The following EPHA5 variants were observed in gnomAD, a reference collection of about 807,000 sequenced individuals.
EPHA5 encodes ephrin type-A receptor 5.
A neutral mutation model predicts 105.0 loss-of-function variants in EPHA5; 60 were observed. The observed-to-expected ratio is 0.57, with a 90% CI of 0.46 to 0.71. EPHA5 has a LOEUF of 0.71. Ranked by LOEUF, EPHA5 falls within the 30% of genes least tolerant of loss-of-function variation. The pLI is 0.00. For synonymous variants in EPHA5, 513 were observed against 449.1 expected (o/e 1.14, Z -1.80); for missense variants, 1,218 against 1,274.7 (o/e 0.96, Z 0.68).
chr4:65,438,025 T>C (rs906558318), intron 5 of EPHA5, among the ~76,000 whole-genome samples: 2 of 152,020 alleles, frequency 1.3e-5, no homozygotes, highest in Non-Finnish European at 2.9e-5. Context: ...AGTATTTATC[T>C]GCTTATACAG....
chr4:65,587,585 C>T (rs1448304588), intron 3 of EPHA5, among the ~76,000 whole-genome samples: 3 of 152,024 alleles, frequency 2.0e-5, no homozygotes, highest in African/African-American at 4.8e-5. Flanking sequence ...AAAGGTGCCC[C>T]GACCCCCATC....
At chr4:65,612,568 T>A (rs911685490) in intron 2 of EPHA5, among the ~76,000 whole-genome samples, 1 of 152,310 alleles carries the variant, frequency 6.6e-6, no homozygotes, top group East Asian at 1.9e-4. Context: ...TATCCAATCA[T>A]CCTTTGATGA....
At chr4:65,392,555 G>A (rs1376416) in intron 8 of EPHA5, among the ~76,000 whole-genome samples, 96,591 of 151,900 alleles carry the variant, frequency 0.64, 31,961 homozygotes, top group East Asian at 0.85. Flanking sequence ...TGACGTCACC[G>A]GGTACATCAT....
chr4:65,371,065 C>A (rs1182681926), intron 8 of EPHA5, among the ~76,000 whole-genome samples: 1 of 151,976 alleles, frequency 6.6e-6, no homozygotes, highest in East Asian at 1.9e-4. Context: ...TAAATTTTGC[C>A]TCTCATTTTC....
chr4:65,604,992 G>C (rs1293306038), intron 2 of EPHA5, among the ~76,000 whole-genome samples: 1 of 152,206 alleles, frequency 6.6e-6, no homozygotes, highest in African/African-American at 2.4e-5. Flanking sequence ...ATTGCTGAAT[G>C]CAATATGATG....
At chr4:65,352,000 G>C (rs1577891030) in intron 12 of EPHA5, among the ~76,000 whole-genome samples, 1 of 152,146 alleles carries the variant, frequency 6.6e-6, no homozygotes, top group African/African-American at 2.4e-5. Flanking sequence ...ATGGACAGAG[G>C]TGATAAGGGA....
chr4:65,431,466 C>A (rs978648017), intron 5 of EPHA5, among the ~76,000 whole-genome samples: 2 of 152,040 alleles, frequency 1.3e-5, no homozygotes, highest in Non-Finnish European at 2.9e-5. Flanking sequence ...ATGTAAGTTT[C>A]TTCCTTATTT....
chr4:65,493,544 A>C (rs533147179), intron 4 of EPHA5, among the ~76,000 whole-genome samples: 8 of 152,282 alleles, frequency 5.3e-5, no homozygotes, highest in African/African-American at 1.9e-4. Flanking sequence ...AAACATACAC[A>C]CACACTCATA....
At chr4:65,662,883 C>T (rs146688537) in intron 1 of EPHA5, among the ~76,000 whole-genome samples, 96 of 152,160 alleles carry the variant, frequency 6.3e-4, no homozygotes, top group African/African-American at 2.3e-3. Flanking sequence ...GGCACATACA[C>T]CAAAATTCCA....
chr4:65,409,569 G>A (rs965615508), intron 7 of EPHA5, among the ~76,000 whole-genome samples: 1 of 152,044 alleles, frequency 6.6e-6, no homozygotes, highest in Non-Finnish European at 1.5e-5. Flanking sequence ...AGACTTTATT[G>A]CCTCAGCTAT....
intron 6 of EPHA5, 128 bp from the exon 7 acceptor site, chr4:65,414,571 T>C: frequency 9.6e-7 from 1 of 1,039,042 alleles, no homozygotes; most frequent in Non-Finnish European, 1.4e-6. Flanking sequence ...ATATAACATT[T>C]TAGAAAAAAA....
At chr4:65,557,251 T>TATATATATATATATATATATATATAG in intron 3 of EPHA5, among the ~76,000 whole-genome samples, 1 of 145,110 alleles carries the variant, frequency 6.9e-6, no homozygotes, top group Non-Finnish European at 1.5e-5. Flanking sequence ...TATATATATA[T>TATATATATATATATATATATATATAG]ATATATATTC....
chr4:65,371,834 A>C (rs2148906751), intron 8 of EPHA5, among the ~76,000 whole-genome samples: 1 of 152,114 alleles, frequency 6.6e-6, no homozygotes, highest in African/African-American at 2.4e-5. Context: ...AATAACGTAC[A>C]GTGGATCACA....
At chr4:65,519,412 G>C (rs944153788) in intron 3 of EPHA5, among the ~76,000 whole-genome samples, 1 of 151,980 alleles carries the variant, frequency 6.6e-6, no homozygotes, top group Non-Finnish European at 1.5e-5. Context: ...TAAACCCACA[G>C]CCAATATCAT....
At chr4:65,398,131 C>T (rs140125812) in intron 8 of EPHA5, among the ~76,000 whole-genome samples, 1 of 152,304 alleles carries the variant, frequency 6.6e-6, no homozygotes, top group East Asian at 1.9e-4. Context: ...CTCTCAGGGG[C>T]CTGAGAAGCC....
chr4:65,661,264 C>A (rs908360226), intron 1 of EPHA5, among the ~76,000 whole-genome samples: 1 of 151,824 alleles, frequency 6.6e-6, no homozygotes, highest in Admixed American at 6.6e-5. Flanking sequence ...TGTTTGTATG[C>A]TTTTGTTGTT....
At chr4:65,338,648 A>T (rs1721411888) in intron 14 of EPHA5, among the ~76,000 whole-genome samples, 1 of 152,090 alleles carries the variant, frequency 6.6e-6, no homozygotes, top group Non-Finnish European at 1.5e-5. Context: ...TCAACTTAGA[A>T]CTGGGTCCAG....
At chr4:65,345,649 C>T (rs1357804377) in intron 14 of EPHA5, among the ~76,000 whole-genome samples, 1 of 152,248 alleles carries the variant, frequency 6.6e-6, no homozygotes, top group Non-Finnish European at 1.5e-5. Context: ...AGGGCTTCAT[C>T]AAGGGTCTTT....
chr4:65,342,631 A>G (rs1721839569), intron 14 of EPHA5, among the ~76,000 whole-genome samples: 1 of 151,878 alleles, frequency 6.6e-6, no homozygotes, highest in African/African-American at 2.4e-5. Flanking sequence ...TATGAGCAAT[A>G]TACATAAACA....
Sources: gnomAD v4.1 joint callset for allele counts (sites outside exome capture counted in the v4.1 genomes callset) on GRCh38, gnomAD v4.1.1 for gene constraint, MANE v1.5 for transcripts, NCBI Gene and HGNC (gene_info 2026-07-23, HGNC 2026-07-21) for gene names.